RB1CC1: variants seen among roughly 807,000 people sequenced by gnomAD.
RB1CC1 encodes RB1 inducible coiled-coil 1.
RB1CC1 carries 46 observed loss-of-function variants against 177.5 expected under a neutral mutation model. The ratio of observed to expected loss-of-function variants is 0.26; its 90% CI spans 0.20 to 0.33. RB1CC1 has a LOEUF of 0.33. Ranked by LOEUF, RB1CC1 falls within the 10% of genes least tolerant of loss-of-function variation. The pLI is 1.00. For synonymous variants in RB1CC1, 666 were observed against 613.6 expected (o/e 1.09, Z -1.26); for missense variants, 1,703 against 1,816.3 (o/e 0.94, Z 1.13).
chr8:52,690,478 A>G (rs944124211), intron 1 of RB1CC1, among the ~76,000 whole-genome samples: 4 of 152,226 alleles, frequency 2.6e-5, no homozygotes, highest in Non-Finnish European at 5.9e-5. Flanking sequence ...TAATCAACGC[A>G]CAAAAGAAAA....
Position 52,674,273 on chromosome 8 carries a change from A to G in RB1CC1, c.574T>C (p.Leu192=). The part of the protein sequence containing the change: ...IEDIKLKLTH[L]GTAVSVMAKI... Reference sequence around the variant, plus strand: ...GCCATTACTGAAACTGCAGTTCCTAAACTTAAAATACAAAAGATCTGTCAG... The same window carrying G: ...GCCATTACTGAAACTGCAGTTCCTAGACTTAAAATACAAAAGATCTGTCAG... The change falls in exon 7 of 24, where the codon TTA becomes CTA. Residue 192 remains leucine, a splice_region_variant and synonymous_variant. Coordinates refer to ENST00000025008, the MANE Select transcript of RB1CC1 (RefSeq NM_014781.5). The G allele has an allele frequency of 6.3e-7, 1 of 1,590,360 alleles. No homozygotes were observed. Among genetic ancestry groups the G allele is most frequent in the East Asian group, 2.2e-5 (1 of 44,734 alleles).
chr8:52,630,223 G>A (rs1275248367), intron 21 of RB1CC1, among the ~76,000 whole-genome samples: 1 of 152,094 alleles, frequency 6.6e-6, no homozygotes, highest in Non-Finnish European at 1.5e-5. Context: ...GTTAACTGGA[G>A]GAAAAGGCTT....
chr8:52,708,605 AG>A (rs1229336105), intron 1 of RB1CC1, among the ~76,000 whole-genome samples: 4 of 152,194 alleles, frequency 2.6e-5, no homozygotes, highest in African/African-American at 9.6e-5. Flanking sequence ...GGTGGCCTAT[AG>A]TATTCTTTCT....
chr8:52,649,116 C>T (rs1474653548), intron 15 of RB1CC1, among the ~76,000 whole-genome samples: 1 of 152,140 alleles, frequency 6.6e-6, no homozygotes, highest in African/African-American at 2.4e-5. Context: ...AGAGCGAAAT[C>T]ACATAAAACG....
chr8:52,654,272 C>A (rs1208656414), intron 15 of RB1CC1, among the ~76,000 whole-genome samples: 2 of 152,188 alleles, frequency 1.3e-5, no homozygotes, highest in Non-Finnish European at 2.9e-5. Context: ...TTTGCCCTTG[C>A]TCCTCTTTTA....
At chr8:52,648,947 C>T (rs1850309076) in intron 15 of RB1CC1, among the ~76,000 whole-genome samples, 2 of 152,212 alleles carry the variant, frequency 1.3e-5, no homozygotes, top group African/African-American at 4.8e-5. Context: ...GACTGCAATA[C>T]TGATAACCCA....
At chr8:52,690,561 C>T (rs1854754229) in intron 1 of RB1CC1, among the ~76,000 whole-genome samples, 1 of 152,140 alleles carries the variant, frequency 6.6e-6, no homozygotes, top group African/African-American at 2.4e-5. Flanking sequence ...TACATTTAAA[C>T]GGTATTGTTG....
chr8:52,634,854 C>T (rs1362148466), intron 20 of RB1CC1, 67 bp downstream of exon 20: 6 of 1,339,458 alleles, frequency 4.5e-6, no homozygotes, highest in Non-Finnish European at 6.3e-6. Flanking sequence ...GGAATATCTT[C>T]ATAATGAAAT....
rs775265804 is a variant in RB1CC1 at position 52,656,237 on chromosome 8, T to C, written c.3592A>G (p.Ile1198Val). 1.2e-6 allele frequency: 2 copies of C among 1,613,302 alleles called. No homozygotes were observed. Among genetic ancestry groups the C allele is most frequent in the Middle Eastern group, 1.7e-4 (1 of 6,058 alleles). ...TCGTATTTCTCTTCTTGTTGGGTAA[T>C]TTTTTCATCTTTTTGTCTTTCAAGA... ...SALERQKDEK[I>V]TQQEEKYEAI... The change falls in exon 15 of 24, where the codon ATT (isoleucine) becomes GTT (valine). Residue 1198 changes from isoleucine (I) to valine (V), a missense_variant. Physicochemically the swap from Ile to Val is conservative, Grantham distance 29. Around this residue, in one of 6 missense-constraint regions of RB1CC1, gnomAD observed 1,169 missense variants for 1,184.7 expected, o/e 0.99. Coordinates refer to ENST00000025008, the MANE Select transcript of RB1CC1 (RefSeq NM_014781.5).
At chr8:52,683,205 A>C (rs1208714337) in intron 5 of RB1CC1, among the ~76,000 whole-genome samples, 2 of 152,200 alleles carry the variant, frequency 1.3e-5, no homozygotes, top group Admixed American at 6.5e-5. Flanking sequence ...GGAAAAAATA[A>C]ATACATTTTT....
intron 23 of RB1CC1, 124 bp downstream of exon 23, chr8:52,624,593 A>T: frequency 1.3e-6 from 1 of 782,394 alleles, no homozygotes; most frequent in South Asian, 1.7e-5. Context: ...CTCTCATTAA[A>T]TTCAAGCTCT....
chr8:52,630,935 T>C (rs949793996), intron 20 of RB1CC1, among the ~76,000 whole-genome samples: 3 of 152,184 alleles, frequency 2.0e-5, no homozygotes, highest in Non-Finnish European at 4.4e-5. Context: ...ACTTTACTTC[T>C]GCAGAAGGCT....
intron 1 of RB1CC1, among the ~76,000 whole-genome samples, chr8:52,698,554 C>T (rs1355584403): frequency 6.6e-6 from 1 of 151,726 alleles, no homozygotes; most frequent in Non-Finnish European, 1.5e-5. Context: ...CCTCGTGATC[C>T]GCCTGCCTCA....
chr8:52,683,124 G>C (rs1348342441), intron 5 of RB1CC1, among the ~76,000 whole-genome samples: 2 of 152,166 alleles, frequency 1.3e-5, no homozygotes, highest in Non-Finnish European at 2.9e-5. Flanking sequence ...CGTGGGAACT[G>C]CAAGTAGCAG....
intron 7 of RB1CC1, among the ~76,000 whole-genome samples, chr8:52,671,837 A>C (rs1852630578): frequency 6.6e-6 from 1 of 152,170 alleles, no homozygotes; most frequent in South Asian, 2.1e-4. Context: ...CCAGCATCCA[A>C]TAGCTACTCC....
intron 1 of RB1CC1, among the ~76,000 whole-genome samples, chr8:52,698,555 G>A (rs1855669531): frequency 6.6e-6 from 1 of 151,548 alleles, no homozygotes; most frequent in Admixed American, 6.6e-5. Context: ...CTCGTGATCC[G>A]CCTGCCTCAG....
rs781202665 is a variant in RB1CC1, at chr8:52,623,728, C to T, written c.*54G>A. Reference sequence around the variant, plus strand: ...CTGTTTTTGGAGTGATGAATGAGCACTGCAGGACAAATCAGAAAAAAATGT... The same window carrying T: ...CTGTTTTTGGAGTGATGAATGAGCATTGCAGGACAAATCAGAAAAAAATGT... On this transcript the variant is annotated 3_prime_UTR_variant, in exon 24 of 24. Coordinates refer to ENST00000025008, the MANE Select transcript of RB1CC1 (RefSeq NM_014781.5). 3.0e-6 allele frequency: 4 copies of T among 1,339,480 alleles called. No individual in the cohort carries two copies. The highest frequency in any genetic ancestry group is 4.6e-5 in the East Asian group (2 of 43,250). The allele number at this position is 1,339,480 out of a possible 1,614,324, so 83.0% of individuals were successfully genotyped here.
chr8:52,697,171 C>T (rs1034971520), intron 1 of RB1CC1, among the ~76,000 whole-genome samples: 2 of 151,870 alleles, frequency 1.3e-5, no homozygotes, highest in Admixed American at 1.3e-4. Context: ...CTATATGTAC[C>T]TACGGTTTCC....
rs374720486 is a variant in RB1CC1, at chr8:52,685,457, C to T, written c.13G>A (p.Val5Ile). The change falls in exon 3 of 24, where the codon GTA becomes ATA. Residue 5 changes from valine to isoleucine, a missense_variant. Around this residue, in one of 6 missense-constraint regions of RB1CC1, gnomAD observed 118 missense variants for 121.2 expected, o/e 0.97. Coordinates refer to ENST00000025008, the MANE Select transcript of RB1CC1 (RefSeq NM_014781.5). The part of the protein sequence containing the change: MKLY[V>I]FLVNTGTTLT... ...GTAGTTCCAGTGTTAACCAGAAATA[C>T]ATATAACTTCATGATGATTTATCTG... is the stretch of plus-strand genomic sequence containing the variant. 6.9e-5 allele frequency: 110 copies of T among 1,588,026 alleles called. No homozygotes were observed. Among genetic ancestry groups the T allele is most frequent in the Non-Finnish European group, 9.1e-5 (106 of 1,160,522 alleles).
Sources: gnomAD v4.1 joint callset for allele counts (sites outside exome capture counted in the v4.1 genomes callset) on GRCh38, gnomAD v4.1.1 for gene constraint, gnomAD v4.1.1 regional missense constraint, MANE v1.5 for transcripts, NCBI Gene and HGNC (gene_info 2026-07-23, HGNC 2026-07-21) for gene names.